Variants in OR6K3 observed in about 807,000 individuals in gnomAD.
The protein encoded by OR6K3 is olfactory receptor family 6 subfamily K member 3.
For synonymous variants in OR6K3, 169 were observed against 137.7 expected (o/e 1.23, Z -1.59); for missense variants, 396 against 382.5 (o/e 1.04, Z -0.29).
upstream of OR6K3, among the ~76,000 whole-genome samples, chr1:158,721,135 A>T (rs1656274942): frequency 6.6e-6 from 1 of 152,046 alleles, no homozygotes; most frequent in South Asian, 2.1e-4. Context: ...CCAGAAGATC[A>T]TCTTGAAAAG....
Position 158,717,687 on chromosome 1 carries a change from T to C in OR6K3, c.429A>G (p.Gln143=), listed in dbSNP as rs857704. ...CGAAGAGGCAGGAACCTGCAGAGAG[T>C]TGAGCACAGAGCCGGGGGGTCATGA... ...QMIMTPRLCA[Q]LSAGSCLFGF... Residue 143 remains glutamine (Q), a synonymous_variant, in exon 2 of 2, where the codon CAA becomes CAG. Transcript: ENST00000368145. 11 of 1,613,558 alleles carry C rather than the reference T, an allele frequency of 6.8e-6. No individual in the cohort carries two copies. The East Asian group carries it at 2.5e-4, about 36-fold the overall frequency.
At chr1:158,722,609 C>T (rs950495094), upstream of OR6K3, among the ~76,000 whole-genome samples, 4 of 152,044 alleles carry the variant, frequency 2.6e-5, no homozygotes, top group African/African-American at 9.6e-5. Flanking sequence ...CAGTTAATTT[C>T]TAGGCTCTCC....
upstream of OR6K3, chr1:158,724,644 C>G (rs572786829): frequency 2.2e-5 from 5 of 230,880 alleles, no homozygotes; most frequent in Admixed American, 2.1e-4. Context: ...GAACACAGAG[C>G]CCGGGGGTCA....
chr1:158,723,506 G>A (rs1656324968), upstream of OR6K3, among the ~76,000 whole-genome samples: 1 of 151,966 alleles, frequency 6.6e-6, no homozygotes. Flanking sequence ...GTAATTAGTT[G>A]CAAATGATAT....
rs1241543753 is a variant in OR6K3 at position 158,716,407 on chromosome 1, A to C, written c.*761T>G. The C allele has an allele frequency of 6.6e-6, 1 of 152,132 alleles. No individual in the cohort carries two copies. Among genetic ancestry groups the C allele is most frequent in the East Asian group, 1.9e-4 (1 of 5,186 alleles). The allele number at this position is 152,132 out of a possible 1,614,324, so 9.4% of individuals were successfully genotyped here. On this transcript the variant is annotated 3_prime_UTR_variant, in exon 2 of 2. Transcript: ENST00000368145. ...CTACATAACTAAAAATAAAGATATA[A>C]CTTAATTAAATGTTGTTTGGGCTTT...
chr1:158,718,943 T>G lies in OR6K3; in HGVS notation c.-17-811A>C, dbSNP rs141348098. Reference sequence around the variant, plus strand: ...GAAAGAGTGATACAATCTACCTCTCTGCATTTCTTGTTCTCCTTTAACACT... The same window carrying G: ...GAAAGAGTGATACAATCTACCTCTCGGCATTTCTTGTTCTCCTTTAACACT... On this transcript the variant is annotated intron_variant, in intron 1 of 1. Coordinates refer to ENST00000368145, the MANE Select transcript of OR6K3 (RefSeq NM_001005327.3). Among the ~76,000 whole-genome samples the G allele has an allele frequency of 3.9e-5, 6 of 152,190 alleles. No individual in the cohort carries two copies. The East Asian group carries it at 9.7e-4, about 25-fold the overall frequency.
At chr1:158,724,976 TGAA>T, upstream of OR6K3, 1 of 156,612 alleles carries the variant, frequency 6.4e-6, no homozygotes, top group East Asian at 1.8e-4. Flanking sequence ...AACAATGGAA[TGAA>T]GAAGAGGAGG....
At chr1:158,724,335 G>A, upstream of OR6K3, 1 of 170,138 alleles carries the variant, frequency 5.9e-6, no homozygotes, top group Non-Finnish European at 1.3e-5. Flanking sequence ...CACTAAGATG[G>A]GCGGCACAGG....
upstream of OR6K3, among the ~76,000 whole-genome samples, chr1:158,722,639 A>G (rs1271565339): frequency 6.6e-6 from 1 of 151,952 alleles, no homozygotes; most frequent in Admixed American, 6.6e-5. Context: ...TTCTTGTCCA[A>G]CACCGGGCAG....
chr1:158,718,825 G>A (rs1407169474), intron 1 of OR6K3, among the ~76,000 whole-genome samples: 2 of 151,968 alleles, frequency 1.3e-5, no homozygotes, highest in Admixed American at 6.6e-5. Context: ...TTTGCAAAAT[G>A]GGATTAAAAA....
rs774797268 is a variant in OR6K3, at chr1:158,717,888, G to A, written c.228C>T (p.Ala76=). 13 of 1,613,640 alleles carry A rather than the reference G, an allele frequency of 8.1e-6. No homozygotes were observed. In the South Asian group the frequency reaches 1.4e-4, roughly 18 times the overall value. Residue 76 remains alanine (A), a synonymous_variant, in exon 2 of 2, where the codon GCC becomes GCT. Coordinates refer to ENST00000368145, the MANE Select transcript of OR6K3 (RefSeq NM_001005327.3). ...FSFLEIWYTT[A]TIPKMLSNLI... ...GGTTGGAGAGCATCTTGGGAATGGT[G>A]GCTGTGGTGTACCAGATCTCCAGAA...
Position 158,717,927 on chromosome 1 carries a change from G to A in OR6K3, c.189C>T (p.Ile63=). 6.2e-7 allele frequency: 1 copy of A among 1,613,630 alleles called. No homozygotes were observed. The highest frequency in any genetic ancestry group is 2.2e-5 in the East Asian group (1 of 44,828). The part of the protein sequence containing the change: ...THLHNPMYNF[I]SIFSFLEIWY... Reference sequence around the variant, plus strand: ...AGATCTCCAGAAAGGAAAATATACTGATAAAATTATACATGGGGTTGTGGA... The same window carrying A: ...AGATCTCCAGAAAGGAAAATATACTAATAAAATTATACATGGGGTTGTGGA... The change falls in exon 2 of 2, where the codon ATC becomes ATT. Residue 63 remains isoleucine, a synonymous_variant. Coordinates refer to ENST00000368145, the MANE Select transcript of OR6K3 (RefSeq NM_001005327.3).
Position 158,717,230 on chromosome 1 carries a change from T to A in OR6K3, c.886A>T (p.Met296Leu). ...PIIYSLRNKD[M>L]NNAIKKLFCL... ...AACAGTTTTTTAATCGCATTGTTCA[T>A]GTCCTTGTTTCTCAGGCTATAAATG... Residue 296 changes from methionine (M) to leucine (L), a missense_variant, in exon 2 of 2, where the codon ATG (methionine) becomes TTG (leucine). Physicochemically the swap from Met to Leu is conservative, Grantham distance 15 (BLOSUM62 2). Transcript: ENST00000368145. 6.2e-7 allele frequency: 1 copy of A among 1,613,698 alleles called. No homozygotes were observed. Among genetic ancestry groups the A allele is most frequent in the Non-Finnish European group, 8.5e-7 (1 of 1,179,706 alleles).
chr1:158,720,866 A>G (rs1656268040), upstream of OR6K3: 1 of 152,008 alleles, frequency 6.6e-6, no homozygotes, highest in African/African-American at 2.4e-5. Flanking sequence ...ACCTTCTCTC[A>G]TGGGGTTAAT....
upstream of OR6K3, among the ~76,000 whole-genome samples, chr1:158,722,284 G>C (rs1656296788): frequency 6.6e-6 from 1 of 152,004 alleles, no homozygotes; most frequent in African/African-American, 2.4e-5. Flanking sequence ...AGCAAATATG[G>C]AAATATCTGC....
At chr1:158,722,873 ATTTTC>A (rs1370476944), upstream of OR6K3, among the ~76,000 whole-genome samples, 1 of 152,010 alleles carries the variant, frequency 6.6e-6, no homozygotes, top group African/African-American at 2.4e-5. Flanking sequence ...AACAGAAATT[ATTTTC>A]TTTTCTAGAA....
At chr1:158,719,009 G>A (rs1466246896) in intron 1 of OR6K3, among the ~76,000 whole-genome samples, 2 of 151,916 alleles carry the variant, frequency 1.3e-5, no homozygotes, top group African/African-American at 4.8e-5. Flanking sequence ...ATACTATACT[G>A]ATCACGTTCA....
chr1:158,717,731 G>A lies in OR6K3; in HGVS notation c.385C>T (p.Pro129Ser). 1 of 1,613,812 alleles carries A rather than the reference G, an allele frequency of 6.2e-7. No individual in the cohort carries two copies. The highest frequency in any genetic ancestry group is 8.5e-7 in the Non-Finnish European group (1 of 1,179,850). Residue 129 changes from proline (P) to serine (S), a missense_variant, in exon 2 of 2, where the codon CCT becomes TCT. Pro to Ser is a moderately conservative substitution (Grantham distance 74, BLOSUM62 -1). Transcript: ENST00000368145. ...GTCATGATCATTTGATAGCGAAGAG[G>A]GTTGCAGATGGCAACGTATCTGTCA... ...AIDRYVAICN[P>S]LRYQMIMTPR...
At position 158,717,982 on chromosome 1, in the gene OR6K3, A is replaced by T. The variant is rs746289641; in HGVS notation, c.134T>A (p.Ile45Asn). The change falls in exon 2 of 2, where the codon ATC (isoleucine) becomes AAC (asparagine). Residue 45 changes from isoleucine to asparagine, a missense_variant. Coordinates refer to ENST00000368145, the MANE Select transcript of OR6K3 (RefSeq NM_001005327.3). ...GGTGTCCAGCCTTACAGCAGAGAAGATTAATAAGTTATCAATGATAATAAA... is the reference window on the plus strand; with the variant it reads ...GGTGTCCAGCCTTACAGCAGAGAAGTTTAATAAGTTATCAATGATAATAAA... Reference protein sequence around the residue: ...YTFIIIDNLLIFSAVRLDTHL... With the variant: ...YTFIIIDNLLNFSAVRLDTHL... The T allele has an allele frequency of 6.2e-7, 1 of 1,613,066 alleles. No individual in the cohort carries two copies. Among genetic ancestry groups the T allele is most frequent in the South Asian group, 1.1e-5 (1 of 91,058 alleles).
Sources: allele counts gnomAD v4.1 joint callset (sites outside exome capture counted in the v4.1 genomes callset), GRCh38; gene constraint gnomAD v4.1.1; transcripts MANE v1.5; gene names NCBI Gene and HGNC (gene_info 2026-07-23, HGNC 2026-07-21).